The following FLI1 variants were observed in gnomAD, a reference collection of about 807,000 sequenced individuals.
The protein encoded by FLI1 is Fli-1 proto-oncogene, ETS transcription factor.
In FLI1, 13 loss-of-function variants were observed where a neutral mutation model predicts 53.1. The ratio of observed to expected loss-of-function variants is 0.24; its 90% confidence interval spans 0.16 to 0.39. FLI1 has a LOEUF of 0.39. Among genes scored for constraint, FLI1 ranks in the 10% least tolerant of loss-of-function variants. FLI1 has a pLI of 1.00. For missense variants in FLI1, 424 were observed against 600.5 expected (o/e 0.71, Z 3.07); for synonymous variants, 244 against 236.7 (o/e 1.03, Z -0.28).
chr11:128,757,467 A>C (rs1940938304), intron 1 of FLI1, among the ~76,000 whole-genome samples: 1 of 152,178 alleles, frequency 6.6e-6, no homozygotes, highest in Admixed American at 6.5e-5. Context: ...CAAACCACTG[A>C]GCATTTCTTA....
intron 2 of FLI1, among the ~76,000 whole-genome samples, chr11:128,764,424 C>A (rs1002520546): frequency 8.5e-5 from 13 of 152,216 alleles, no homozygotes; most frequent in African/African-American, 3.1e-4. Flanking sequence ...TGGAGATGTG[C>A]TGAGTTATTA....
intron 1 of FLI1, among the ~76,000 whole-genome samples, chr11:128,696,493 G>A (rs990641133): frequency 1.2e-4 from 18 of 152,136 alleles, no homozygotes; most frequent in Middle Eastern, 3.2e-3. Context: ...AGAATGAACC[G>A]TCCATTAAGC....
chr11:128,804,268 ACT>A (rs140173649), intron 5 of FLI1: 1 of 151,962 alleles, frequency 6.6e-6, no homozygotes, highest in East Asian at 1.9e-4. Context: ...ACCCCGTCAG[ACT>A]CTGTTGTTTG....
chr11:128,709,191 A>G (rs1938684691), intron 1 of FLI1, among the ~76,000 whole-genome samples: 1 of 152,232 alleles, frequency 6.6e-6, no homozygotes, highest in Admixed American at 6.5e-5. Flanking sequence ...AATAATGCAT[A>G]ACGTTAATTT....
At chr11:128,740,217 C>A (rs372037560) in intron 1 of FLI1, among the ~76,000 whole-genome samples, 15 of 152,328 alleles carry the variant, frequency 9.8e-5, no homozygotes, top group African/African-American at 3.6e-4. Context: ...AGAGATCAGA[C>A]CATCTCCAAC....
chr11:128,743,838 G>A (rs1388274049), intron 1 of FLI1, among the ~76,000 whole-genome samples: 1 of 152,202 alleles, frequency 6.6e-6, no homozygotes, highest in African/African-American at 2.4e-5. Context: ...TTCTTTGGAG[G>A]ACCACAGCAG....
intron 7 of FLI1, 48 bp from the exon 8 acceptor site, chr11:128,809,109 C>T: frequency 6.7e-7 from 1 of 1,486,812 alleles, no homozygotes; most frequent in South Asian, 1.1e-5. Context: ...GTACGGTTGT[C>T]ATATTTTTTA....
intron 1 of FLI1, among the ~76,000 whole-genome samples, chr11:128,753,783 A>C (rs553764030): frequency 3.0e-4 from 46 of 152,308 alleles, no homozygotes; most frequent in African/African-American, 1.0e-3. Context: ...GCCCAGACTC[A>C]TTCCTCTTGT....
In FLI1 at chr11:128,758,207, G is replaced by A. The variant is rs201047249; in HGVS notation, c.111G>A (p.Ser37=). The change falls in exon 2 of 9, where the codon TCG becomes TCA. Residue 37 remains serine (S), a synonymous_variant. Coordinates refer to ENST00000527786, the MANE Select transcript of FLI1 (RefSeq NM_002017.5). ...AHLPKADMTA[S]GSPDYGQPHK... is the part of the protein sequence containing the mutation. ...TCCCCAAGGCCGACATGACTGCCTC[G>A]GGGAGTCCTGACTACGGGCAGCCCC... is the stretch of plus-strand genomic sequence containing the variant. 2.1e-3 allele frequency: 3,385 copies of A among 1,613,152 alleles called. 8 individuals are homozygous for A. Among genetic ancestry groups the A allele is most frequent in the Non-Finnish European group, 2.6e-3 (3,063 of 1,179,558 alleles).
chr11:128,751,458 T>A (rs1408037025), intron 1 of FLI1, among the ~76,000 whole-genome samples: 4 of 151,744 alleles, frequency 2.6e-5, no homozygotes, highest in African/African-American at 9.7e-5. Context: ...CAGGTGATCC[T>A]CTCACCTCAG....
intron 1 of FLI1, among the ~76,000 whole-genome samples, chr11:128,739,566 G>A (rs1022424752): frequency 6.6e-6 from 1 of 152,164 alleles, no homozygotes; most frequent in Non-Finnish European, 1.5e-5. Flanking sequence ...CCATTCCCAA[G>A]GATTGTTGGC....
intron 1 of FLI1, among the ~76,000 whole-genome samples, chr11:128,720,241 A>G (rs1257881710): frequency 6.6e-6 from 1 of 152,156 alleles, no homozygotes; most frequent in Non-Finnish European, 1.5e-5. Context: ...ATTACACTAT[A>G]TCACTACTTC....
At chr11:128,686,748 A>T (rs1591717725) in intron 1 of FLI1, 1 of 299,412 alleles carries the variant, frequency 3.3e-6, no homozygotes, top group East Asian at 9.1e-5. Context: ...CCCAGCTTCT[A>T]CCCCACCCGG....
chr11:128,739,142 T>C (rs1481770422), intron 1 of FLI1, among the ~76,000 whole-genome samples: 1 of 152,136 alleles, frequency 6.6e-6, no homozygotes, highest in Admixed American at 6.5e-5. Flanking sequence ...GGGAGATCTC[T>C]TAGCCTTGCT....
intron 1 of FLI1, among the ~76,000 whole-genome samples, chr11:128,729,483 T>C (rs1010792252): frequency 6.6e-6 from 1 of 152,198 alleles, no homozygotes; most frequent in Non-Finnish European, 1.5e-5. Flanking sequence ...TGGTTGGCGA[T>C]GCTTTGCATT....
At chr11:128,782,306 T>G (rs1056938087) in intron 5 of FLI1, among the ~76,000 whole-genome samples, 1 of 152,238 alleles carries the variant, frequency 6.6e-6, no homozygotes, top group African/African-American at 2.4e-5. Context: ...GCTGCTTACT[T>G]TCAAAGTTGA....
Position 128,811,186 on chromosome 11 carries a change from G to C in FLI1, c.*198G>C. Reference sequence around the variant, plus strand: ...CTTTTGCTTCCTCTACCTGAACAAAGAGATGAATAATTCCATGGGCCAGTA... The same window carrying C: ...CTTTTGCTTCCTCTACCTGAACAAACAGATGAATAATTCCATGGGCCAGTA... On this transcript the variant is annotated 3_prime_UTR_variant, in exon 9 of 9. Transcript: ENST00000527786. 1.7e-6 allele frequency: 1 copy of C among 590,678 alleles called. No individual in the cohort carries two copies. The highest frequency in any genetic ancestry group is 2.8e-5 in the East Asian group (1 of 35,384). The allele number at this position is 590,678 out of a possible 1,614,324, so 36.6% of individuals were successfully genotyped here.
rs540305827 is a variant in FLI1, at chr11:128,751,835, T to G, written c.19-6280T>G. Reference sequence around the variant, plus strand: ...GGGTTTTTTTTTTTGGGTTTGTTTTTTTTTTTTTGTAGAGAAAGAGTTATG... The same window carrying G: ...GGGTTTTTTTTTTTGGGTTTGTTTTGTTTTTTTTGTAGAGAAAGAGTTATG... On this transcript the variant is annotated intron_variant, in intron 1 of 8. Coordinates refer to ENST00000527786, the MANE Select transcript of FLI1 (RefSeq NM_002017.5). Among the ~76,000 whole-genome samples, 62 of 151,266 alleles carry G rather than the reference T, an allele frequency of 4.1e-4. 1 individual carries two copies. Among genetic ancestry groups the G allele is most frequent in the African/African-American group, 1.5e-3 (60 of 41,208 alleles).
intron 1 of FLI1, among the ~76,000 whole-genome samples, chr11:128,745,832 G>C (rs1462205558): frequency 6.6e-6 from 1 of 152,220 alleles, no homozygotes; most frequent in African/African-American, 2.4e-5. Context: ...GTTGCTGGAA[G>C]GGAGTGAAGC....
Sources: gnomAD v4.1 joint callset for allele counts (sites outside exome capture counted in the v4.1 genomes callset) on GRCh38, gnomAD v4.1.1 for gene constraint, MANE v1.5 for transcripts, NCBI Gene and HGNC (gene_info 2026-07-23, HGNC 2026-07-21) for gene names.